The following ZBED3 variants were observed in gnomAD, a reference collection of about 807,000 sequenced individuals.
The protein encoded by ZBED3 is zinc finger BED-type containing 3, also known as zinc finger BED domain-containing protein 3.
For synonymous variants in ZBED3, 175 were observed against 180.0 expected (o/e 0.97, Z 0.22); for missense variants, 388 against 362.9 (o/e 1.07, Z -0.56).
At chr5:77,082,915 C>A (rs1743156733) in intron 1 of ZBED3, among the ~76,000 whole-genome samples, 2 of 152,200 alleles carry the variant, frequency 1.3e-5, no homozygotes. Context: ...GCAGGTAGAT[C>A]ACCTGAGGTC....
intron 1 of ZBED3, among the ~76,000 whole-genome samples, chr5:77,081,962 T>C (rs2150742156): frequency 6.6e-6 from 1 of 152,218 alleles, no homozygotes; most frequent in Non-Finnish European, 1.5e-5. Flanking sequence ...CCAGCTGCAA[T>C]TTCTATATTA....
chr5:77,082,526 C>T (rs1203170830), intron 1 of ZBED3, among the ~76,000 whole-genome samples: 1 of 152,048 alleles, frequency 6.6e-6, no homozygotes, highest in Non-Finnish European at 1.5e-5. Flanking sequence ...AAGTTCTGTT[C>T]AATGTCTTAC....
At position 77,077,377 on chromosome 5, in the gene ZBED3, G is replaced by A. The variant is rs1286211143; in HGVS notation, c.502C>T (p.Arg168Trp). 1.6e-6 allele frequency: 2 copies of A among 1,254,054 alleles called. No individual in the cohort carries two copies. Among genetic ancestry groups the A allele is most frequent in the African/African-American group, 1.6e-5 (1 of 63,650 alleles). The allele number at this position is 1,254,054 out of a possible 1,614,324, so 77.7% of individuals were successfully genotyped here. The change falls in exon 3 of 3, where the codon CGG becomes TGG. Residue 168 changes from arginine to tryptophan, a missense_variant. Arg to Trp is a moderately radical substitution (Grantham distance 101). Coordinates refer to ENST00000255198, the MANE Select transcript of ZBED3 (RefSeq NM_032367.4). ...EQGERALERR[R>W]RALQEEERAA... ...CGCTCTTCCTCCTGCAGCGCCCTCC[G>A]CCTCCGCTCCAGGGCGCGCTCGCCC...
At chr5:77,086,965 G>GGCCCGGAGAAGGGCA (rs1310479879) in intron 1 of ZBED3, 146 bp downstream of exon 1, 1 of 152,274 alleles carries the variant, frequency 6.6e-6, no homozygotes, top group African/African-American at 2.4e-5. Context: ...CGCGACAGCC[G>GGCCCGGAGAAGGGCA]GCCCGGAGAA....
rs999085916 is a variant in ZBED3 at position 77,078,593 on chromosome 5, C to T, written c.-18+1G>A. The T allele has an allele frequency of 6.6e-6, 1 of 152,174 alleles. No homozygotes were observed. Among genetic ancestry groups the T allele is most frequent in the Non-Finnish European group, 1.5e-5 (1 of 68,030 alleles). 9.4% of individuals were successfully genotyped at this position (152,174 alleles called of 1,614,324 possible). A position where few individuals can be genotyped will look rare whatever the true frequency, so the allele number is the denominator to read the frequency against. On this transcript the variant is annotated splice_donor_variant, in intron 2 of 2. Coordinates refer to ENST00000255198, the MANE Select transcript of ZBED3 (RefSeq NM_032367.4). LOFTEE classifies it low-confidence loss of function (5UTR_SPLICE). ...TCCAAAGCAGCATTCTAAATTTTTACCTTTAAATTAGACAGTGGGTAATTT... is the reference window on the plus strand; with the variant it reads ...TCCAAAGCAGCATTCTAAATTTTTATCTTTAAATTAGACAGTGGGTAATTT...
chr5:77,082,319 T>A (rs1432215585), intron 1 of ZBED3, among the ~76,000 whole-genome samples: 2 of 151,786 alleles, frequency 1.3e-5, no homozygotes, highest in East Asian at 3.9e-4. Flanking sequence ...GGATCTCTTC[T>A]ATAGAACTAT....
intron 1 of ZBED3, among the ~76,000 whole-genome samples, chr5:77,081,267 A>C (rs898944712): frequency 6.6e-6 from 1 of 152,108 alleles, no homozygotes; most frequent in African/African-American, 2.4e-5. Context: ...GAGAAAAGGC[A>C]CACTCCTCAA....
At chr5:77,080,105 A>G (rs1220183439) in intron 1 of ZBED3, among the ~76,000 whole-genome samples, 1 of 152,216 alleles carries the variant, frequency 6.6e-6, no homozygotes, top group African/African-American at 2.4e-5. Context: ...TTCCTATAAC[A>G]TCAAGAGTAT....
At position 77,072,929 on chromosome 5, in the gene ZBED3, A is replaced by G. The variant is rs1398852985; in HGVS notation, c.*4245T>C. The G allele has an allele frequency of 2.0e-5, 3 of 152,078 alleles. No individual in the cohort carries two copies. Among genetic ancestry groups the G allele is most frequent in the Admixed American group, 6.5e-5 (1 of 15,274 alleles). The allele number at this position is 152,078 out of a possible 1,614,324, so 9.4% of individuals were successfully genotyped here. A position where few individuals can be genotyped will look rare whatever the true frequency, so the allele number is the denominator to read the frequency against. ...GTGGACAAGTCACTCTCTAGAACCT[A>G]TTTTCCTAATCTATCAAATGATGGA... On this transcript the variant is annotated 3_prime_UTR_variant, in exon 3 of 3. Transcript: ENST00000255198.
chr5:77,086,092 T>G (rs1461084218), intron 1 of ZBED3, among the ~76,000 whole-genome samples: 1 of 152,222 alleles, frequency 6.6e-6, no homozygotes, highest in Admixed American at 6.5e-5. Flanking sequence ...GTTCTGCCCT[T>G]AAAGTGGACC....
chr5:77,078,515 G>C (rs1050500470), intron 2 of ZBED3, 79 bp downstream of exon 2: 1 of 152,270 alleles, frequency 6.6e-6, no homozygotes, highest in South Asian at 2.1e-4. Context: ...TGAGAAAATC[G>C]GCAGTACTGA....
In ZBED3 at chr5:77,075,403, A is replaced by G. The variant is rs1742955025; in HGVS notation, c.*1771T>C. 6.6e-6 allele frequency: 1 copy of G among 152,200 alleles called. No individual in the cohort carries two copies. The highest frequency in any genetic ancestry group is 1.5e-5 in the Non-Finnish European group (1 of 68,040). 9.4% of individuals were successfully genotyped at this position (152,200 alleles called of 1,614,324 possible). ...TTTAAAGACAAACATTCTGGAGACA[A>G]TTGTTGAATACTGATTAAGGGCTCT... On this transcript the variant is annotated 3_prime_UTR_variant, in exon 3 of 3. Coordinates refer to ENST00000255198, the MANE Select transcript of ZBED3 (RefSeq NM_032367.4).
rs924160741 is a variant in ZBED3, at chr5:77,077,524, G to A, written c.355C>T (p.Pro119Ser). The A allele has an allele frequency of 4.1e-6, 5 of 1,205,796 alleles. No homozygotes were observed. Among genetic ancestry groups the A allele is most frequent in the Admixed American group, 4.5e-5 (1 of 22,308 alleles). 74.7% of individuals were successfully genotyped at this position (1,205,796 alleles called of 1,614,324 possible). The change falls in exon 3 of 3, where the codon CCC becomes TCC. Residue 119 changes from proline to serine, a missense_variant. Physicochemically the swap from Pro to Ser is moderately conservative, Grantham distance 74 (BLOSUM62 -1). Coordinates refer to ENST00000255198, the MANE Select transcript of ZBED3 (RefSeq NM_032367.4). ...CCCTCGGGGGCCGCAGCGGGGCCGG[G>A]CGGCGGCGGGCAGGGCGCGGCAGGT... is the stretch of plus-strand genomic sequence containing the variant. ...SPPAAPCPPP[P>S]GPAAAPEGDW...
In ZBED3 at chr5:77,077,744, G is replaced by A; in HGVS notation, c.135C>T (p.Tyr45=). ...PTPPGRLGAP[Y]SEAWGYFHLA... ...GGTGGAAGTAGCCCCAGGCCTCGGA[G>A]TATGGCGCCCCCAGGCGGCCGGGAG... Residue 45 remains tyrosine (Y), a synonymous_variant, in exon 3 of 3, where the codon TAC becomes TAT. Coordinates refer to ENST00000255198, the MANE Select transcript of ZBED3 (RefSeq NM_032367.4). The A allele has an allele frequency of 7.5e-7, 1 of 1,333,744 alleles. No individual in the cohort carries two copies. Among genetic ancestry groups the A allele is most frequent in the South Asian group, 1.9e-5 (1 of 51,836 alleles). 82.6% of individuals were successfully genotyped at this position (1,333,744 alleles called of 1,614,324 possible).
chr5:77,082,204 T>C (rs1743140803), intron 1 of ZBED3, among the ~76,000 whole-genome samples: 1 of 151,322 alleles, frequency 6.6e-6, no homozygotes, highest in Admixed American at 6.6e-5. Flanking sequence ...GAGGTGGAGA[T>C]TGCAGTGAGC....
rs70988654 is a variant in ZBED3 at position 77,076,706 on chromosome 5, T to TGGG, written c.*465_*467dup. On this transcript the variant is annotated 3_prime_UTR_variant, in exon 3 of 3. Coordinates refer to ENST00000255198, the MANE Select transcript of ZBED3 (RefSeq NM_032367.4). ...TTAGGAACTCTTTTTTTTTTTTTTT[T>TGGG]GGGTAAAAAGCTTTCTCATTTCCAC... 5 of 141,532 alleles carry TGGG rather than the reference T, an allele frequency of 3.5e-5. 1 individual carries two copies. Among genetic ancestry groups the TGGG allele is most frequent in the Admixed American group, 1.4e-4 (2 of 13,924 alleles). 8.8% of individuals were successfully genotyped at this position (141,532 alleles called of 1,614,324 possible).
rs568650527 is a variant in ZBED3, at chr5:77,087,184, C to A, written c.-226G>T. On this transcript the variant is annotated 5_prime_UTR_variant, in exon 1 of 3. Transcript: ENST00000255198. The stretch of plus-strand genomic sequence containing the variant: ...GAGATGGTAGATCCCCCTCCAGGCG[C>A]CTCGCTGACATTTTGTCCCGGACGG... The A allele has an allele frequency of 6.6e-5, 10 of 152,536 alleles. No homozygotes were observed. In the East Asian group the frequency reaches 1.9e-3, roughly 29 times the overall value. 9.4% of individuals were successfully genotyped at this position (152,536 alleles called of 1,614,324 possible). A position where few individuals can be genotyped will look rare whatever the true frequency, so the allele number is the denominator to read the frequency against.
At position 77,076,774 on chromosome 5, in the gene ZBED3, T is replaced by C. The variant is rs990070343; in HGVS notation, c.*400A>G. Reference sequence around the variant, plus strand: ...CTGCTGGGTGTATAGGCACATGGTGTGATAAGTCTTTGGTATGGAATGAAG... The same window carrying C: ...CTGCTGGGTGTATAGGCACATGGTGCGATAAGTCTTTGGTATGGAATGAAG... On this transcript the variant is annotated 3_prime_UTR_variant, in exon 3 of 3. Transcript: ENST00000255198. 4 of 160,580 alleles carry C rather than the reference T, an allele frequency of 2.5e-5. No individual in the cohort carries two copies. Among genetic ancestry groups the C allele is most frequent in the African/African-American group, 9.6e-5 (4 of 41,506 alleles). The allele number at this position is 160,580 out of a possible 1,614,324, so 9.9% of individuals were successfully genotyped here.
chr5:77,077,873 C>A lies in ZBED3; in HGVS notation c.6G>T (p.Arg2Ser), dbSNP rs904312589. 10 of 1,257,088 alleles carry A rather than the reference C, an allele frequency of 8.0e-6. No individual in the cohort carries two copies. In the African/African-American group the frequency reaches 1.6e-4, roughly 20 times the overall value. The allele number at this position is 1,257,088 out of a possible 1,614,324, so 77.9% of individuals were successfully genotyped here. M[R>S]SGEPACTMDQ... Reference sequence around the variant, plus strand: ...CCATGGTGCAGGCCGGCTCGCCACTCCTCATTCTGCGGCGCCCGCACGCTG... The same window carrying A: ...CCATGGTGCAGGCCGGCTCGCCACTACTCATTCTGCGGCGCCCGCACGCTG... Residue 2 changes from arginine to serine, a missense_variant, in exon 3 of 3, where the codon AGG becomes AGT. Coordinates refer to ENST00000255198, the MANE Select transcript of ZBED3 (RefSeq NM_032367.4).
Sources: allele counts gnomAD v4.1 joint callset (sites outside exome capture counted in the v4.1 genomes callset), GRCh38; gene constraint gnomAD v4.1.1; transcripts MANE v1.5; gene names NCBI Gene and HGNC (gene_info 2026-07-23, HGNC 2026-07-21).